LRRC4C: variants seen among roughly 807,000 people sequenced by gnomAD.
LRRC4C encodes the protein leucine rich repeat containing 4C, also known as leucine-rich repeat-containing protein 4C.
In LRRC4C, 5 loss-of-function variants were observed where a neutral mutation model predicts 33.6. That is an observed-to-expected ratio of 0.15 (90% CI 0.08 to 0.31). LRRC4C has a LOEUF of 0.31. Among genes scored for constraint, LRRC4C ranks in the 10% least tolerant of loss-of-function variants. The pLI, the probability that LRRC4C is intolerant of heterozygous loss-of-function variation, is 1.00. For missense variants in LRRC4C, 560 were observed against 796.7 expected, an observed-to-expected ratio of 0.70 and a Z score of 3.58; for synonymous variants, 329 against 302.0, an observed-to-expected ratio of 1.09 and a Z score of -0.93.
chr11:41,041,739 G>A (rs1396310500), intron 1 of LRRC4C, among the ~76,000 whole-genome samples: 23 of 152,052 alleles, frequency 1.5e-4, no homozygotes, highest in Admixed American at 1.4e-3. Context: ...TTATGAATAT[G>A]TACAAACACA....
chr11:40,858,135 C>T (rs1953892832), intron 2 of LRRC4C, among the ~76,000 whole-genome samples: 1 of 152,036 alleles, frequency 6.6e-6, no homozygotes, highest in Non-Finnish European at 1.5e-5. Context: ...TGTAGTTCCT[C>T]AGTTAAATTA....
intron 3 of LRRC4C, among the ~76,000 whole-genome samples, chr11:40,353,245 G>A (rs11500393): frequency 0.13 from 19,868 of 151,748 alleles, 1,767 homozygotes; most frequent in African/African-American, 0.25. Context: ...CTAGATTTTT[G>A]TAGTTGTAGT....
intron 3 of LRRC4C, among the ~76,000 whole-genome samples, chr11:40,457,288 C>G (rs760088415): frequency 6.6e-6 from 1 of 151,580 alleles, no homozygotes; most frequent in Non-Finnish European, 1.5e-5. Flanking sequence ...AGAAAGTATA[C>G]CCATCAAAGA....
At chr11:40,358,686 A>G (rs1273112344) in intron 3 of LRRC4C, among the ~76,000 whole-genome samples, 2 of 152,020 alleles carry the variant, frequency 1.3e-5, no homozygotes, top group African/African-American at 4.8e-5. Flanking sequence ...TTTTCATTGA[A>G]ACTTTTTTCC....
chr11:40,928,309 C>T (rs2136434757), intron 2 of LRRC4C, among the ~76,000 whole-genome samples: 1 of 150,856 alleles, frequency 6.6e-6, no homozygotes, highest in East Asian at 1.9e-4. Flanking sequence ...CACGGACTTC[C>T]TGGTTTTTTA....
chr11:40,880,533 ATTTTTAAATG>A (rs58431314), intron 2 of LRRC4C, among the ~76,000 whole-genome samples: 4,152 of 82,204 alleles, frequency 0.051, 114 homozygotes, highest in African/African-American at 0.082. Context: ...ACAGAATAAG[ATTTTTAAATG>A]AAAAAAAAAA....
chr11:40,354,224 C>G (rs952814955), intron 3 of LRRC4C, among the ~76,000 whole-genome samples: 2 of 152,170 alleles, frequency 1.3e-5, no homozygotes, highest in African/African-American at 4.8e-5. Flanking sequence ...TAGAATCTGT[C>G]TCTCCATGCT....
chr11:41,264,562 T>C (rs975901126), intron 1 of LRRC4C, among the ~76,000 whole-genome samples: 3 of 152,098 alleles, frequency 2.0e-5, no homozygotes, highest in African/African-American at 7.2e-5. Context: ...ACCCACATCA[T>C]CATTTATAGC....
intron 3 of LRRC4C, among the ~76,000 whole-genome samples, chr11:40,536,109 G>C (rs1956459891): frequency 6.6e-6 from 1 of 152,110 alleles, no homozygotes; most frequent in Non-Finnish European, 1.5e-5. Flanking sequence ...GCATCATCTG[G>C]AAACTTGTTA....
At chr11:40,981,328 C>G (rs1592250533) in intron 1 of LRRC4C, among the ~76,000 whole-genome samples, 2 of 152,062 alleles carry the variant, frequency 1.3e-5, no homozygotes, top group East Asian at 3.9e-4. Context: ...GCAGGAGAAT[C>G]GCTTGAGCCC....
intron 1 of LRRC4C, among the ~76,000 whole-genome samples, chr11:41,344,232 T>C (rs974312017): frequency 1.3e-4 from 19 of 149,588 alleles, no homozygotes; most frequent in African/African-American, 4.4e-4. Flanking sequence ...CTTTCTTTTT[T>C]TTTTTTTTTT....
At chr11:40,387,446 G>T (rs1008280920) in intron 3 of LRRC4C, among the ~76,000 whole-genome samples, 4 of 152,120 alleles carry the variant, frequency 2.6e-5, no homozygotes, top group African/African-American at 7.2e-5. Flanking sequence ...GCAGTCATAG[G>T]TTTCCTTCAC....
intron 1 of LRRC4C, among the ~76,000 whole-genome samples, chr11:41,312,904 T>C (rs571174425): frequency 6.6e-6 from 1 of 152,270 alleles, no homozygotes; most frequent in African/African-American, 2.4e-5. Context: ...AACGCTTCCA[T>C]CAATGAGTGT....
In LRRC4C at chr11:41,320,027, C is replaced by T. The variant is rs541359529; in HGVS notation, c.-496+139404G>A. Among the ~76,000 whole-genome samples the T allele has an allele frequency of 3.3e-5, 5 of 151,922 alleles. No individual in the cohort carries two copies. In the East Asian group the frequency reaches 9.7e-4, roughly 29 times the overall value. ...AAGAATCAATACAAATAGAGGGGGG[C>T]ACAATGAGACAGATATAAAAAAGTA... On this transcript the variant is annotated intron_variant, in intron 1 of 6. Transcript: ENST00000528697.
intron 5 of LRRC4C, among the ~76,000 whole-genome samples, chr11:40,184,348 A>G (rs969831562): frequency 1.3e-5 from 2 of 152,196 alleles, no homozygotes; most frequent in African/African-American, 4.8e-5. Context: ...TCCTTCTAAT[A>G]CAGGGGGCCA....
At chr11:41,246,310 A>G (rs939166874) in intron 1 of LRRC4C, among the ~76,000 whole-genome samples, 7 of 152,138 alleles carry the variant, frequency 4.6e-5, no homozygotes, top group Non-Finnish European at 1.0e-4. Context: ...AAGCATGTAC[A>G]CACCTGGCTG....
intron 2 of LRRC4C, among the ~76,000 whole-genome samples, chr11:40,715,962 T>C (rs954919026): frequency 2.0e-5 from 3 of 151,734 alleles, no homozygotes; most frequent in Admixed American, 6.6e-5. Flanking sequence ...GACAATTACA[T>C]GAACAGAAGT....
chr11:40,566,385 A>T (rs1957770260), intron 3 of LRRC4C, among the ~76,000 whole-genome samples: 1 of 152,076 alleles, frequency 6.6e-6, no homozygotes, highest in South Asian at 2.1e-4. Context: ...TCTACTCTAT[A>T]TATCAAATTA....
intron 3 of LRRC4C, among the ~76,000 whole-genome samples, chr11:40,574,770 A>G (rs771136134): frequency 3.9e-5 from 6 of 152,148 alleles, no homozygotes; most frequent in Admixed American, 6.5e-5. Flanking sequence ...AGACATATGC[A>G]TAGGCATACA....
Sources: gnomAD v4.1 joint callset for allele counts (sites outside exome capture counted in the v4.1 genomes callset) on GRCh38, gnomAD v4.1.1 for gene constraint, MANE v1.5 for transcripts, NCBI Gene and HGNC (gene_info 2026-07-23, HGNC 2026-07-21) for gene names.